Variants in MYO10 observed in about 807,000 individuals in gnomAD.
MYO10 encodes the protein unconventional myosin-X.
Under a neutral mutation model 257.3 loss-of-function variants are expected in MYO10, and 133 were observed. That is an observed-to-expected ratio of 0.52 (90% CI 0.45 to 0.60). MYO10 has a LOEUF of 0.60. MYO10 is among the 20% of genes least tolerant of loss of function. MYO10 has a pLI of 0.00. For synonymous variants in MYO10, 1,104 were observed against 1,028.6 expected (o/e 1.07, Z -1.40); for missense variants, 2,399 against 2,635.7 (o/e 0.91, Z 1.97).
intron 2 of MYO10, among the ~76,000 whole-genome samples, chr5:16,877,370 A>G (rs1744631290): frequency 6.6e-6 from 1 of 152,254 alleles, no homozygotes; most frequent in South Asian, 2.1e-4. Context: ...GGCCAGTGCC[A>G]TGCCCTTCTG....
chr5:16,747,059 T>A (rs900536873), intron 19 of MYO10, among the ~76,000 whole-genome samples: 2 of 152,178 alleles, frequency 1.3e-5, no homozygotes, highest in South Asian at 4.1e-4. Context: ...TATTTGTATA[T>A]GAAGCATCAG....
chr5:16,862,783 C>T (rs1744143164), intron 2 of MYO10, among the ~76,000 whole-genome samples: 1 of 152,140 alleles, frequency 6.6e-6, no homozygotes, highest in Non-Finnish European at 1.5e-5. Flanking sequence ...ATTTTCAAAG[C>T]TAACCACAAA....
At chr5:16,784,829 G>A (rs1264288177) in intron 4 of MYO10, among the ~76,000 whole-genome samples, 1 of 152,204 alleles carries the variant, frequency 6.6e-6, no homozygotes, top group African/African-American at 2.4e-5. Context: ...ACTCAGAGAT[G>A]ACGCCAACAT....
At chr5:16,796,186 C>CAAAA (rs796981409) in intron 3 of MYO10, among the ~76,000 whole-genome samples, 1 of 48,808 alleles carries the variant, frequency 2.0e-5, no homozygotes, top group Admixed American at 2.7e-4. Context: ...GAGACTCTGT[C>CAAAA]AAAAAAAAAA....
chr5:16,734,666 G>C (rs74934137), intron 19 of MYO10, among the ~76,000 whole-genome samples: 1 of 152,042 alleles, frequency 6.6e-6, no homozygotes, highest in African/African-American at 2.4e-5. Flanking sequence ...TTAGCCGGAC[G>C]TGGTGGCGCA....
intron 9 of MYO10, among the ~76,000 whole-genome samples, chr5:16,770,641 A>G (rs966324796): frequency 4.6e-5 from 7 of 152,246 alleles, no homozygotes; most frequent in African/African-American, 1.4e-4. Flanking sequence ...CTACAAAAAG[A>G]ACTTGGACTC....
intron 3 of MYO10, among the ~76,000 whole-genome samples, chr5:16,813,915 A>G (rs1407250973): frequency 6.6e-6 from 1 of 152,188 alleles, no homozygotes; most frequent in Non-Finnish European, 1.5e-5. Context: ...TCAGGAGACC[A>G]GGGAATGTGA....
chr5:16,837,904 A>G (rs1186756619), intron 2 of MYO10, among the ~76,000 whole-genome samples: 1 of 96,038 alleles, frequency 1.0e-5, no homozygotes, highest in African/African-American at 3.7e-5. Flanking sequence ...TAATTCTCAC[A>G]ATAATTCAAA....
chr5:16,777,099 A>T (rs1579979023), intron 9 of MYO10, among the ~76,000 whole-genome samples: 1 of 152,186 alleles, frequency 6.6e-6, no homozygotes, highest in East Asian at 1.9e-4. Flanking sequence ...GAGTAGTGAG[A>T]GGTCTAAAGG....
intron 10 of MYO10, 96 bp downstream of exon 10, chr5:16,768,978 A>T (rs1278468713): frequency 7.1e-7 from 1 of 1,411,154 alleles, no homozygotes; most frequent in African/African-American, 1.5e-5. Context: ...ACCTGGCCAG[A>T]ATTTTCTTTC....
intron 11 of MYO10, among the ~76,000 whole-genome samples, chr5:16,764,875 G>A (rs1579964782): frequency 6.6e-6 from 1 of 152,032 alleles, no homozygotes; most frequent in Non-Finnish European, 1.5e-5. Context: ...TTTTAGTAGA[G>A]ATGGGGTTTC....
intron 27 of MYO10, among the ~76,000 whole-genome samples, chr5:16,691,079 C>T (rs1359666828): frequency 4.6e-5 from 7 of 151,046 alleles, no homozygotes; most frequent in Admixed American, 2.6e-4. Flanking sequence ...ACCATCCTGG[C>T]TAACACGGTG....
intron 2 of MYO10, among the ~76,000 whole-genome samples, chr5:16,821,709 ACCTGCCTCGGCCT>A (rs1242288526): frequency 6.6e-6 from 1 of 151,450 alleles, no homozygotes; most frequent in Non-Finnish European, 1.5e-5. Flanking sequence ...CTCGTGATCC[ACCTGCCTCGGCCT>A]CCCAAAGTGC....
intron 1 of MYO10, among the ~76,000 whole-genome samples, chr5:16,891,256 T>C (rs911369453): frequency 1.0e-4 from 15 of 150,152 alleles, no homozygotes; most frequent in Non-Finnish European, 1.8e-4. Context: ...GATTGTGCCA[T>C]TGCACTCCAG....
intron 2 of MYO10, among the ~76,000 whole-genome samples, chr5:16,848,155 C>CTTTTTTTTTTTTTTTTTTT (rs371042891): frequency 9.7e-5 from 11 of 113,562 alleles, no homozygotes; most frequent in African/African-American, 3.7e-4. Flanking sequence ...CTACACATTT[C>CTTTTTTTTTTTTTTTTTTT]TTTTTTTTTT....
At chr5:16,815,715 G>A (rs1034198766) in intron 3 of MYO10, among the ~76,000 whole-genome samples, 5 of 152,098 alleles carry the variant, frequency 3.3e-5, no homozygotes, top group African/African-American at 9.7e-5. Flanking sequence ...ACAGTGCAGC[G>A]GTCATGTGGA....
intron 19 of MYO10, among the ~76,000 whole-genome samples, chr5:16,752,358 C>T (rs187283475): frequency 6.6e-6 from 1 of 152,284 alleles, no homozygotes; most frequent in Non-Finnish European, 1.5e-5. Context: ...TCTCGGCTCA[C>T]TGCAGCCTCC....
chr5:16,777,647 G>A lies in MYO10; in HGVS notation c.930+1898C>T, dbSNP rs1365844425. Among the ~76,000 whole-genome samples the A allele has an allele frequency of 2.0e-5, 3 of 152,130 alleles. No homozygotes were observed. In the South Asian group the frequency reaches 6.2e-4, roughly 32 times the overall value. On this transcript the variant is annotated intron_variant, in intron 9 of 40. Coordinates refer to ENST00000513610, the MANE Select transcript of MYO10 (RefSeq NM_012334.3). ...ATGGGCTGCACCAGGTACTGGGTAA[G>A]GTTAGGCTGGTCACTAACTTCTCTG...
Position 16,834,744 on chromosome 5 carries a change from A to C in MYO10, c.121-16577T>G, listed in dbSNP as rs373239823. Among the ~76,000 whole-genome samples the C allele has an allele frequency of 2.6e-5, 4 of 152,368 alleles. No homozygotes were observed. The South Asian group carries it at 6.2e-4, about 24-fold the overall frequency. On this transcript the variant is annotated intron_variant, in intron 2 of 40. Transcript: ENST00000513610. ...CTTGGCTGCCCTTAAGTGAAATGAA[A>C]AGGACATATTCAAACCAAATATGAA...
Sources: gnomAD v4.1 joint callset for allele counts (sites outside exome capture counted in the v4.1 genomes callset) on GRCh38, gnomAD v4.1.1 for gene constraint, MANE v1.5 for transcripts, NCBI Gene and HGNC (gene_info 2026-07-23, HGNC 2026-07-21) for gene names.